The following ARHGAP35 variants were observed in gnomAD, a reference collection of about 807,000 sequenced individuals.
ARHGAP35 encodes the protein rho GTPase-activating protein 35.
A neutral mutation model predicts 111.1 loss-of-function variants in ARHGAP35; 15 were observed. That is an observed-to-expected ratio of 0.13 (90% CI 0.09 to 0.21). The LOEUF (loss-of-function observed/expected upper bound fraction) is 0.21. Ranked by LOEUF, ARHGAP35 falls within the 10% of genes least tolerant of loss-of-function variation. The pLI is 1.00. For missense variants in ARHGAP35, 1,262 were observed against 1,873.0 expected (o/e 0.67, Z 6.02); for synonymous variants, 643 against 710.3 (o/e 0.91, Z 1.51).
chr19:46,920,750 A>G lies in ARHGAP35; in HGVS notation c.2075A>G (p.His692Arg), dbSNP rs1199600365. 3.1e-6 allele frequency: 5 copies of G among 1,610,902 alleles called. No homozygotes were observed. The highest frequency in any genetic ancestry group is 3.4e-6 in the Non-Finnish European group (4 of 1,178,344). The change falls in exon 2 of 7, where the codon CAT (histidine) becomes CGT (arginine). Residue 692 changes from histidine (H) to arginine (R), a missense_variant. Transcript: ENST00000672722. This position sits in a 1 kb window ranked among gnomAD's most constrained non-coding sequence, Gnocchi z 7.0. ...TCCACGCTGGGCCGGCGGGATAATCATTTAGTCCATCTCCCCCTTACATTA... is the reference window on the plus strand; with the variant it reads ...TCCACGCTGGGCCGGCGGGATAATCGTTTAGTCCATCTCCCCCTTACATTA... Reference protein sequence around the residue: ...RESTLGRRDNHLVHLPLTLIL... With the variant: ...RESTLGRRDNRLVHLPLTLIL...
chr19:46,980,587 A>C (rs1384807326), intron 3 of ARHGAP35, among the ~76,000 whole-genome samples: 2 of 152,172 alleles, frequency 1.3e-5, no homozygotes, highest in African/African-American at 4.8e-5. Context: ...GTTTTTCTAC[A>C]AACTGTCTTG....
At chr19:46,864,405 T>C (rs1422118236) in intron 1 of ARHGAP35, among the ~76,000 whole-genome samples, 1 of 152,222 alleles carries the variant, frequency 6.6e-6, no homozygotes, top group Non-Finnish European at 1.5e-5. Flanking sequence ...CTGATTTTTT[T>C]CCCTGCTGTG....
In ARHGAP35 at chr19:46,920,738, G is replaced by A. The variant is rs774516425; in HGVS notation, c.2063G>A (p.Arg688Gln). 14 of 1,611,800 alleles carry A rather than the reference G, an allele frequency of 8.7e-6. No homozygotes were observed. Among genetic ancestry groups the A allele is most frequent in the South Asian group, 5.5e-5 (5 of 90,848 alleles). Reference protein sequence around the residue: ...IEKSRESTLGRRDNHLVHLPL... With the variant: ...IEKSRESTLGQRDNHLVHLPL... Reference sequence around the variant, plus strand: ...AAGAGTAGAGAGTCCACGCTGGGCCGGCGGGATAATCATTTAGTCCATCTC... The same window carrying A: ...AAGAGTAGAGAGTCCACGCTGGGCCAGCGGGATAATCATTTAGTCCATCTC... The change falls in exon 2 of 7, where the codon CGG (arginine) becomes CAG (glutamine). Residue 688 changes from arginine (R) to glutamine (Q), a missense_variant. This residue lies in a region of ARHGAP35 where 579 missense variants were observed against 716.9 expected (regional missense o/e 0.81). Transcript: ENST00000672722. This position sits in a 1 kb window ranked among gnomAD's most constrained non-coding sequence, Gnocchi z 7.0.
intron 2 of ARHGAP35, among the ~76,000 whole-genome samples, chr19:46,935,842 T>C (rs2056304431): frequency 6.6e-6 from 1 of 152,226 alleles, no homozygotes; most frequent in Admixed American, 6.5e-5. Context: ...AGAGTAATTT[T>C]TTCTCCATTT....
At chr19:46,869,914 C>A (rs1175438415) in intron 1 of ARHGAP35, among the ~76,000 whole-genome samples, 1 of 149,704 alleles carries the variant, frequency 6.7e-6, no homozygotes, top group African/African-American at 2.5e-5. Context: ...TTTATGGTAA[C>A]CTTTTTAATG....
chr19:46,912,886 G>A (rs79328709), intron 1 of ARHGAP35, among the ~76,000 whole-genome samples: 2,812 of 151,036 alleles, frequency 0.019, 41 homozygotes, highest in Non-Finnish European at 0.027. Flanking sequence ...TGAAGACTTA[G>A]AAATGTAAGA....
chr19:46,929,628 T>C (rs1446552083), intron 2 of ARHGAP35, among the ~76,000 whole-genome samples: 3 of 142,080 alleles, frequency 2.1e-5, no homozygotes, highest in Non-Finnish European at 4.5e-5. Context: ...ACATAAAACA[T>C]TAACGCCGGG....
In ARHGAP35 at chr19:47,001,458, G is replaced by T; in HGVS notation, c.*770G>T. On this transcript the variant is annotated 3_prime_UTR_variant, in exon 7 of 7. Transcript: ENST00000672722. The surrounding 1 kb of genome is among the most constrained non-coding windows in gnomAD (Gnocchi z 5.4). The stretch of plus-strand genomic sequence containing the variant: ...ACTACAGACCTCAAGATTCCACTCT[G>T]TGCCCGCCTCTGCCGGGAGGGAGGG... The T allele has an allele frequency of 8.2e-7, 1 of 1,212,242 alleles. No individual in the cohort carries two copies. Among genetic ancestry groups the T allele is most frequent in the Non-Finnish European group, 1.1e-6 (1 of 921,220 alleles). 75.1% of individuals were successfully genotyped at this position (1,212,242 alleles called of 1,614,324 possible).
intron 1 of ARHGAP35, among the ~76,000 whole-genome samples, chr19:46,865,615 T>A (rs1370317673): frequency 6.6e-6 from 1 of 152,074 alleles, no homozygotes; most frequent in Non-Finnish European, 1.5e-5. Flanking sequence ...GCCTAATAGA[T>A]GTTTGGTGAG....
intron 1 of ARHGAP35, among the ~76,000 whole-genome samples, chr19:46,864,713 G>A (rs971559719): frequency 6.6e-6 from 1 of 152,326 alleles, no homozygotes; most frequent in Middle Eastern, 3.4e-3. Flanking sequence ...AATAATCTAT[G>A]TATGGCATGG....
At chr19:46,962,802 T>A (rs577449626) in intron 3 of ARHGAP35, among the ~76,000 whole-genome samples, 14 of 152,068 alleles carry the variant, frequency 9.2e-5, no homozygotes, top group Non-Finnish European at 1.9e-4. Flanking sequence ...TTAGTAGAGA[T>A]GAGGTTTTAC....
chr19:46,927,635 T>A (rs2056246296), intron 2 of ARHGAP35, among the ~76,000 whole-genome samples: 1 of 152,198 alleles, frequency 6.6e-6, no homozygotes. Flanking sequence ...TTTGTGCATT[T>A]ATTGAATACT....
intron 2 of ARHGAP35, among the ~76,000 whole-genome samples, chr19:46,936,889 G>A (rs2122224653): frequency 6.7e-6 from 1 of 149,554 alleles, no homozygotes; most frequent in South Asian, 2.1e-4. Flanking sequence ...ATCCAGGCTG[G>A]AATACAGTGG....
At chr19:46,904,788 C>G (rs933706919) in intron 1 of ARHGAP35, among the ~76,000 whole-genome samples, 2 of 152,178 alleles carry the variant, frequency 1.3e-5, no homozygotes, top group Non-Finnish European at 2.9e-5. Flanking sequence ...CGGTCCTGAC[C>G]AAGCCATTCT....
Position 46,920,377 on chromosome 19 carries a change from G to T in ARHGAP35, c.1702G>T (p.Ala568Ser). ...CCCCAGCTGCCCAGCTTGTGTGGAC[G>T]CTAAGATTGAGCACTTGATTAGTTC... Reference protein sequence around the residue: ...TCPSCPACVDAKIEHLISSRF... With the variant: ...TCPSCPACVDSKIEHLISSRF... The change falls in exon 2 of 7, where the codon GCT (alanine) becomes TCT (serine). Residue 568 changes from alanine (A) to serine (S), a missense_variant. Coordinates refer to ENST00000672722, the MANE Select transcript of ARHGAP35 (RefSeq NM_004491.5). The surrounding 1 kb of genome is among the most constrained non-coding windows in gnomAD (Gnocchi z 7.0). 1 of 1,613,980 alleles carries T rather than the reference G, an allele frequency of 6.2e-7. No individual in the cohort carries two copies. The highest frequency in any genetic ancestry group is 8.5e-7 in the Non-Finnish European group (1 of 1,179,882).
At chr19:46,892,468 CAAAAAA>C (rs982546554) in intron 1 of ARHGAP35, among the ~76,000 whole-genome samples, 2 of 67,120 alleles carry the variant, frequency 3.0e-5, no homozygotes, top group Non-Finnish European at 6.0e-5. Flanking sequence ...AACCCTGTCT[CAAAAAA>C]AAAAAAAAAA....
chr19:46,990,666 A>T (rs756148765), intron 5 of ARHGAP35, among the ~76,000 whole-genome samples: 1 of 152,196 alleles, frequency 6.6e-6, no homozygotes, highest in Non-Finnish European at 1.5e-5. Flanking sequence ...CTAAAGAGGG[A>T]GCTTTAAACA....
At chr19:46,893,532 G>A (rs958022217) in intron 1 of ARHGAP35, among the ~76,000 whole-genome samples, 2 of 151,814 alleles carry the variant, frequency 1.3e-5, no homozygotes, top group South Asian at 4.2e-4. Flanking sequence ...TTCTGCTTGG[G>A]ATTGTTTTGA....
intron 1 of ARHGAP35, among the ~76,000 whole-genome samples, chr19:46,879,832 C>T (rs2055950280): frequency 6.7e-6 from 1 of 149,028 alleles, no homozygotes; most frequent in African/African-American, 2.5e-5. Flanking sequence ...ACCCCTGTGA[C>T]CCCAGCACTT....
Sources: gnomAD v4.1 joint callset for allele counts (sites outside exome capture counted in the v4.1 genomes callset) on GRCh38, gnomAD v4.1.1 for gene constraint, gnomAD v4.1.1 regional missense constraint, Gnocchi (gnomAD v3.1) non-coding constraint, MANE v1.5 for transcripts, NCBI Gene and HGNC (gene_info 2026-07-23, HGNC 2026-07-21) for gene names.